Variants in PPTC7 observed in about 807,000 individuals in gnomAD.
The protein encoded by PPTC7 is protein phosphatase targeting COQ7, also known as protein phosphatase PTC7 homolog.
In PPTC7, 6 loss-of-function variants were observed where a neutral mutation model predicts 30.8. The ratio of observed to expected loss-of-function variants is 0.19; its 90% CI spans 0.11 to 0.38. PPTC7 has a LOEUF of 0.38. PPTC7 is among the 10% of genes least tolerant of loss of function. PPTC7 has a pLI of 1.00. For synonymous variants in PPTC7, 163 were observed against 168.1 expected (o/e 0.97, Z 0.23); for missense variants, 218 against 404.8 (o/e 0.54, Z 3.96).
Position 110,545,861 on chromosome 12 carries a change from G to A in PPTC7, c.602+19C>T. On this transcript the variant is annotated intron_variant, in intron 3 of 5. Coordinates refer to ENST00000354300, the MANE Select transcript of PPTC7 (RefSeq NM_139283.2). ...GAGCCACGTCCTGCTCACACTTAAT[G>A]GCTGAGAGGGGAGATTACCTGTCGC... 2 of 1,611,776 alleles carry A rather than the reference G, an allele frequency of 1.2e-6. No individual in the cohort carries two copies. Among genetic ancestry groups the A allele is most frequent in the South Asian group, 2.2e-5 (2 of 90,976 alleles).
In PPTC7 at chr12:110,538,250, T is replaced by C. The variant is rs1004976388; in HGVS notation, c.750A>G (p.Gln250=). ...KLKNSNYESI[Q]QTARSIAEQA... ...GCTCAGCAATGCTTCTGGCAGTCTG[T>C]TGTATACTCTCATAATTTGAATTCT... is the stretch of plus-strand genomic sequence containing the variant. The change falls in exon 5 of 6, where the codon CAA becomes CAG. Residue 250 remains glutamine (Q), a synonymous_variant. Transcript: ENST00000354300. The C allele has an allele frequency of 1.9e-6, 3 of 1,614,166 alleles. No homozygotes were observed. Among genetic ancestry groups the C allele is most frequent in the South Asian group, 1.1e-5 (1 of 91,076 alleles).
At position 110,536,923 on chromosome 12, in the gene PPTC7, C is replaced by A; in HGVS notation, c.*114G>T. 1 of 747,468 alleles carries A rather than the reference C, an allele frequency of 1.3e-6. No homozygotes were observed. The highest frequency in any genetic ancestry group is 1.7e-5 in the South Asian group (1 of 58,618). 46.3% of individuals were successfully genotyped at this position (747,468 alleles called of 1,614,324 possible). On this transcript the variant is annotated 3_prime_UTR_variant, in exon 6 of 6. Coordinates refer to ENST00000354300, the MANE Select transcript of PPTC7 (RefSeq NM_139283.2). Reference sequence around the variant, plus strand: ...CTCAAGAAGACAGGCAAAAGACTTACATCACTGGCCATTGAGATCAGTGGC... The same window carrying A: ...CTCAAGAAGACAGGCAAAAGACTTAAATCACTGGCCATTGAGATCAGTGGC...
chr12:110,544,917 A>G (rs2064293110), intron 3 of PPTC7, among the ~76,000 whole-genome samples: 1 of 152,152 alleles, frequency 6.6e-6, no homozygotes, highest in Non-Finnish European at 1.5e-5. Context: ...TGAGAAAGAA[A>G]AAGAGAACAC....
chr12:110,540,059 T>G (rs1301067766), intron 3 of PPTC7, 114 bp from the exon 4 acceptor site: 11 of 892,702 alleles, frequency 1.2e-5, no homozygotes, highest in Admixed American at 3.4e-5. Flanking sequence ...AAAAACTGAT[T>G]TATCATAATG....
chr12:110,546,113 T>C lies in PPTC7; in HGVS notation c.404-35A>G, dbSNP rs747044181. 3 of 1,578,118 alleles carry C rather than the reference T, an allele frequency of 1.9e-6. No individual in the cohort carries two copies. The South Asian group carries it at 3.4e-5, about 18-fold the overall frequency. On this transcript the variant is annotated intron_variant, in intron 2 of 5. Coordinates refer to ENST00000354300, the MANE Select transcript of PPTC7 (RefSeq NM_139283.2). ...AAAATCATCTCCATTTATTTTTTCT[T>C]CCTAGGCTGCCTTTGCACACACATT...
chr12:110,552,298 A>G (rs960809815), intron 1 of PPTC7, among the ~76,000 whole-genome samples: 6 of 152,364 alleles, frequency 3.9e-5, no homozygotes, highest in African/African-American at 1.4e-4. Context: ...GTCTTTTATA[A>G]GAATGAAAAT....
rs563500511 is a variant in PPTC7, at chr12:110,575,484, G to A, written c.223+7325C>T. ...TCTAACCCGGTGTAGTGCTTCTGGT[G>A]TCACACACTAGTACAAACTCCATTT... is the stretch of plus-strand genomic sequence containing the variant. On this transcript the variant is annotated intron_variant, in intron 1 of 5. Coordinates refer to ENST00000354300, the MANE Select transcript of PPTC7 (RefSeq NM_139283.2). Among the ~76,000 whole-genome samples, 6 of 151,880 alleles carry A rather than the reference G, an allele frequency of 4.0e-5. No individual in the cohort carries two copies. In the South Asian group the frequency reaches 1.2e-3, roughly 32 times the overall value.
chr12:110,540,126 G>A (rs950686291), intron 3 of PPTC7, among the ~76,000 whole-genome samples, 181 bp from the exon 4 acceptor site: 4 of 152,020 alleles, frequency 2.6e-5, no homozygotes, highest in African/African-American at 7.2e-5. Context: ...AAAGTTAATC[G>A]AAAATTCTAA....
chr12:110,573,302 T>A (rs185784089), intron 1 of PPTC7, among the ~76,000 whole-genome samples: 19 of 152,346 alleles, frequency 1.2e-4, no homozygotes, highest in African/African-American at 4.1e-4. Context: ...CTAGTGTTAT[T>A]TATAACAGAA....
At chr12:110,548,231 A>T (rs1422156448) in intron 2 of PPTC7, among the ~76,000 whole-genome samples, 3 of 152,206 alleles carry the variant, frequency 2.0e-5, no homozygotes, top group Admixed American at 2.0e-4. Flanking sequence ...TACACACAGA[A>T]AAAAAATCTG....
intron 2 of PPTC7, among the ~76,000 whole-genome samples, chr12:110,549,607 TG>T (rs2064335932): frequency 1.3e-5 from 2 of 152,176 alleles, no homozygotes; most frequent in Non-Finnish European, 2.9e-5. Context: ...CAATATTCAA[TG>T]TAAGAAAATA....
At chr12:110,564,880 T>G (rs926740005) in intron 1 of PPTC7, among the ~76,000 whole-genome samples, 11 of 128,484 alleles carry the variant, frequency 8.6e-5, no homozygotes, top group Non-Finnish European at 1.1e-4. Context: ...ATATACATTG[T>G]TTTTTTTTTT....
At chr12:110,570,578 G>A (rs1159633698) in intron 1 of PPTC7, among the ~76,000 whole-genome samples, 1 of 49,578 alleles carries the variant, frequency 2.0e-5, no homozygotes, top group Admixed American at 2.4e-4. Context: ...TATAAAACCC[G>A]ATTGTATGCT....
intron 2 of PPTC7, among the ~76,000 whole-genome samples, chr12:110,548,695 G>A (rs899079067): frequency 6.6e-6 from 1 of 152,168 alleles, no homozygotes; most frequent in Non-Finnish European, 1.5e-5. Flanking sequence ...GGACTCATGT[G>A]ACTCCTTATA....
intron 1 of PPTC7, among the ~76,000 whole-genome samples, chr12:110,554,205 G>A (rs201193288): frequency 2.3e-4 from 35 of 152,282 alleles, no homozygotes; most frequent in Middle Eastern, 3.4e-3. Flanking sequence ...ACAGTGGCTT[G>A]TTCTGTTGTC....
intron 1 of PPTC7, among the ~76,000 whole-genome samples, chr12:110,572,656 A>C (rs2064548135): frequency 6.6e-6 from 1 of 152,162 alleles, no homozygotes; most frequent in Admixed American, 6.5e-5. Context: ...TTTTGCAGTC[A>C]TTTTGTAGTC....
chr12:110,543,292 G>A (rs2064277938), intron 3 of PPTC7, among the ~76,000 whole-genome samples: 1 of 152,182 alleles, frequency 6.6e-6, no homozygotes, highest in South Asian at 2.1e-4. Context: ...GCCATGTGCT[G>A]CTGCAGGGAA....
chr12:110,551,214 G>C (rs1027261005), intron 2 of PPTC7, among the ~76,000 whole-genome samples: 1 of 152,160 alleles, frequency 6.6e-6, no homozygotes, highest in African/African-American at 2.4e-5. Flanking sequence ...CTCTAGTCTA[G>C]GGTAAACACC....
intron 1 of PPTC7, among the ~76,000 whole-genome samples, chr12:110,561,526 G>C (rs2064437614): frequency 6.6e-6 from 1 of 152,156 alleles, no homozygotes; most frequent in Non-Finnish European, 1.5e-5. Context: ...ATGTTGGCCA[G>C]GCTGGTCTCA....
Sources: allele counts gnomAD v4.1 joint callset (sites outside exome capture counted in the v4.1 genomes callset), GRCh38; gene constraint gnomAD v4.1.1; transcripts MANE v1.5; gene names NCBI Gene and HGNC (gene_info 2026-07-23, HGNC 2026-07-21).